The following GPC5 variants were observed in gnomAD, a reference collection of about 807,000 sequenced individuals.
The protein encoded by GPC5 is glypican 5.
Under a neutral mutation model 53.9 loss-of-function variants are expected in GPC5, and 47 were observed. The ratio of observed to expected loss-of-function variants is 0.87; its 90% CI spans 0.69 to 1.11. GPC5 has a LOEUF of 1.11. GPC5 is among the 50% of genes most tolerant of loss of function. GPC5 has a pLI of 0.00. For synonymous variants in GPC5, 286 were observed against 263.3 expected (o/e 1.09, Z -0.84); for missense variants, 748 against 713.1 (o/e 1.05, Z -0.56).
At chr13:92,006,982 T>C (rs2040613085) in intron 6 of GPC5, among the ~76,000 whole-genome samples, 1 of 141,246 alleles carries the variant, frequency 7.1e-6, no homozygotes. Flanking sequence ...TTCAATCATA[T>C]TGCTTAGTTA....
At chr13:92,446,850 T>C (rs1021574201) in intron 7 of GPC5, 2 of 152,004 alleles carry the variant, frequency 1.3e-5, no homozygotes, top group African/African-American at 4.8e-5. Flanking sequence ...GACATCTCAT[T>C]GCAGTTTTGA....
chr13:92,002,002 A>T (rs2040559675), intron 6 of GPC5, among the ~76,000 whole-genome samples: 2 of 152,214 alleles, frequency 1.3e-5, no homozygotes, highest in South Asian at 4.1e-4. Flanking sequence ...ATAAAGAGTA[A>T]GCCTTTCTGT....
At chr13:91,880,418 T>C (rs2039251805) in intron 5 of GPC5, among the ~76,000 whole-genome samples, 1 of 152,172 alleles carries the variant, frequency 6.6e-6, no homozygotes, top group Non-Finnish European at 1.5e-5. Context: ...TTTTTGTTTA[T>C]AATTTATTGC....
intron 7 of GPC5, among the ~76,000 whole-genome samples, chr13:92,847,598 AC>A (rs1295523230): frequency 1.3e-5 from 2 of 151,190 alleles, no homozygotes; most frequent in Non-Finnish European, 1.5e-5. Flanking sequence ...GCAGTGCTGT[AC>A]AGCCTGGGGA....
chr13:92,615,971 G>A (rs1474539735), intron 7 of GPC5, among the ~76,000 whole-genome samples: 2 of 152,088 alleles, frequency 1.3e-5, no homozygotes, highest in African/African-American at 2.4e-5. Context: ...GGAGAATGGC[G>A]TGAACCCGGG....
intron 5 of GPC5, among the ~76,000 whole-genome samples, chr13:91,801,856 A>G (rs2038141328): frequency 1.3e-5 from 2 of 152,164 alleles, no homozygotes; most frequent in Non-Finnish European, 2.9e-5. Context: ...TCCAAGTCCC[A>G]GCATACCACA....
intron 1 of GPC5, among the ~76,000 whole-genome samples, chr13:91,427,696 G>A (rs564782825): frequency 7.2e-5 from 11 of 152,220 alleles, no homozygotes; most frequent in African/African-American, 2.4e-4. Flanking sequence ...GTTTGGTTTT[G>A]AAATGTGAGG....
chr13:92,340,402 T>A (rs1030665751), intron 7 of GPC5: 5 of 152,098 alleles, frequency 3.3e-5, no homozygotes, highest in Admixed American at 6.6e-5. Flanking sequence ...CTAACTTTTT[T>A]AAAAAAGATG....
chr13:92,338,901 T>C (rs928016585), intron 7 of GPC5, among the ~76,000 whole-genome samples: 1 of 152,136 alleles, frequency 6.6e-6, no homozygotes, highest in African/African-American at 2.4e-5. Flanking sequence ...TGCATGATTA[T>C]GATATGTCAA....
chr13:92,601,232 C>A (rs2139080605), intron 7 of GPC5, among the ~76,000 whole-genome samples: 1 of 152,074 alleles, frequency 6.6e-6, no homozygotes, highest in Middle Eastern at 3.4e-3. Flanking sequence ...GTTATTTGTA[C>A]CACCTTAGAG....
At chr13:92,759,102 G>C (rs1471095837) in intron 7 of GPC5, among the ~76,000 whole-genome samples, 1 of 144,478 alleles carries the variant, frequency 6.9e-6, no homozygotes, top group Non-Finnish European at 1.5e-5. Context: ...TGGTCCACTG[G>C]TCTGTTTGTC....
chr13:92,579,274 CCTCTCT>C (rs1161169576), intron 7 of GPC5, among the ~76,000 whole-genome samples: 18 of 16,006 alleles, frequency 1.1e-3, no homozygotes, highest in African/African-American at 5.5e-3. Context: ...TCCCTCCCTC[CCTCTCT>C]CTCTCTCTCT....
intron 7 of GPC5, among the ~76,000 whole-genome samples, chr13:92,600,188 C>T (rs1884001614): frequency 6.6e-6 from 1 of 152,044 alleles, no homozygotes; most frequent in Non-Finnish European, 1.5e-5. Context: ...GGTGGATTTG[C>T]TTTTTTTCTC....
chr13:92,089,875 G>A (rs962478843), intron 6 of GPC5, among the ~76,000 whole-genome samples: 48 of 152,180 alleles, frequency 3.2e-4, no homozygotes, highest in Non-Finnish European at 1.5e-4. Flanking sequence ...TACAATGCAG[G>A]TTCTGTATCA....
chr13:91,636,791 C>T (rs370262746), intron 2 of GPC5, among the ~76,000 whole-genome samples: 3 of 151,694 alleles, frequency 2.0e-5, no homozygotes, highest in Non-Finnish European at 2.9e-5. Context: ...ACTGTCCCTG[C>T]AAAAAATAAT....
At chr13:92,060,537 T>C (rs2041114247) in intron 6 of GPC5, among the ~76,000 whole-genome samples, 1 of 152,070 alleles carries the variant, frequency 6.6e-6, no homozygotes, top group South Asian at 2.1e-4. Flanking sequence ...ATTAGGGCTC[T>C]CATCAACAGC....
chr13:91,531,588 A>T (rs1886347992), intron 2 of GPC5, among the ~76,000 whole-genome samples: 1 of 152,126 alleles, frequency 6.6e-6, no homozygotes, highest in African/African-American at 2.4e-5. Context: ...TGCCGTTATT[A>T]AGTATTAGGT....
At chr13:92,835,071 T>C (rs1878178555) in intron 7 of GPC5, among the ~76,000 whole-genome samples, 1 of 152,120 alleles carries the variant, frequency 6.6e-6, no homozygotes, top group Admixed American at 6.5e-5. Flanking sequence ...TCCAAATTTT[T>C]ACTCACCAAA....
intron 6 of GPC5, among the ~76,000 whole-genome samples, chr13:91,968,286 C>A (rs906169531): frequency 1.3e-5 from 2 of 151,546 alleles, no homozygotes; most frequent in African/African-American, 2.4e-5. Flanking sequence ...ATCCATTTTT[C>A]TAGATTTAAT....
Sources: gnomAD v4.1 joint callset for allele counts (sites outside exome capture counted in the v4.1 genomes callset) on GRCh38, gnomAD v4.1.1 for gene constraint, MANE v1.5 for transcripts, NCBI Gene and HGNC (gene_info 2026-07-23, HGNC 2026-07-21) for gene names.